Variants in CNTNAP2 observed in about 807,000 individuals in gnomAD.
CNTNAP2 encodes contactin-associated protein-like 2.
Under a neutral mutation model 155.2 loss-of-function variants are expected in CNTNAP2, and 98 were observed. The observed-to-expected ratio is 0.63, with a 90% CI of 0.54 to 0.75. The LOEUF (loss-of-function observed/expected upper bound fraction) is 0.75, where lower values mean the gene tolerates loss of function less well. CNTNAP2 is among the 30% of genes least tolerant of loss of function. The pLI is 0.00. For missense variants in CNTNAP2, 1,727 were observed against 1,688.1 expected (o/e 1.02, Z -0.40); for synonymous variants, 651 against 631.2 (o/e 1.03, Z -0.47).
intron 9 of CNTNAP2, among the ~76,000 whole-genome samples, chr7:147,379,749 G>A (rs1226705900): frequency 2.0e-5 from 3 of 151,996 alleles, no homozygotes; most frequent in South Asian, 2.1e-4. Flanking sequence ...TAGGTTTTAT[G>A]TGGTGGGGCT....
At chr7:148,373,545 TC>T (rs1798928473) in intron 21 of CNTNAP2, among the ~76,000 whole-genome samples, 1 of 152,144 alleles carries the variant, frequency 6.6e-6, no homozygotes, top group African/African-American at 2.4e-5. Flanking sequence ...AAATTTCAGC[TC>T]CATTATAATC....
At chr7:148,036,230 T>C (rs1056559184) in intron 15 of CNTNAP2, among the ~76,000 whole-genome samples, 7 of 152,108 alleles carry the variant, frequency 4.6e-5, no homozygotes, top group African/African-American at 9.7e-5. Flanking sequence ...TTGAGATAGA[T>C]TGAATATATT....
intron 1 of CNTNAP2, among the ~76,000 whole-genome samples, chr7:146,401,160 A>G (rs186952216): frequency 3.3e-5 from 5 of 152,322 alleles, no homozygotes; most frequent in Admixed American, 6.5e-5. Context: ...TTGAGTCTAT[A>G]TAACTTTCCT....
intron 9 of CNTNAP2, among the ~76,000 whole-genome samples, chr7:147,301,588 CTCTCTGTGTGTGTGTGTG>C (rs1192230768): frequency 1.8e-4 from 11 of 60,710 alleles, no homozygotes; most frequent in African/African-American, 1.3e-3. Flanking sequence ...CTCTCTCTCT[CTCTCTGTGTGTGTGTGTG>C]TGTGTGTGTG....
chr7:147,792,394 CCTAT>C (rs1797834113), intron 13 of CNTNAP2, among the ~76,000 whole-genome samples: 1 of 151,092 alleles, frequency 6.6e-6, no homozygotes. Context: ...TATGGATTTA[CCTAT>C]CTTAGACTTT....
At chr7:147,254,888 C>T (rs896228828) in intron 8 of CNTNAP2, among the ~76,000 whole-genome samples, 2 of 152,152 alleles carry the variant, frequency 1.3e-5, no homozygotes. Flanking sequence ...GAATTTCTTA[C>T]TCTAAAAATC....
intron 9 of CNTNAP2, among the ~76,000 whole-genome samples, chr7:147,337,176 C>T (rs1795678249): frequency 6.6e-6 from 1 of 152,016 alleles, no homozygotes; most frequent in Non-Finnish European, 1.5e-5. Flanking sequence ...TTATTACTCA[C>T]AGATAGGTAG....
chr7:147,369,027 A>G (rs1775520624), intron 9 of CNTNAP2, among the ~76,000 whole-genome samples: 1 of 152,188 alleles, frequency 6.6e-6, no homozygotes, highest in Admixed American at 6.5e-5. Flanking sequence ...GGTCACAAGT[A>G]GTAACTTGCT....
intron 3 of CNTNAP2, among the ~76,000 whole-genome samples, chr7:146,993,863 A>G (rs1481846889): frequency 6.6e-6 from 1 of 152,142 alleles, no homozygotes; most frequent in Non-Finnish European, 1.5e-5. Flanking sequence ...ATGAAACAAA[A>G]AAGGCTTGCC....
intron 14 of CNTNAP2, among the ~76,000 whole-genome samples, chr7:147,976,158 C>T (rs1222228428): frequency 6.6e-6 from 1 of 152,012 alleles, no homozygotes; most frequent in Non-Finnish European, 1.5e-5. Flanking sequence ...TTGAGCCATA[C>T]AAAAAGAAGT....
At chr7:147,899,493 C>T (rs893130277) in intron 13 of CNTNAP2, among the ~76,000 whole-genome samples, 1 of 152,112 alleles carries the variant, frequency 6.6e-6, no homozygotes, top group African/African-American at 2.4e-5. Context: ...CATACAACAC[C>T]ATATCATTAA....
At chr7:148,039,694 C>T (rs933940797) in intron 15 of CNTNAP2, among the ~76,000 whole-genome samples, 3 of 152,190 alleles carry the variant, frequency 2.0e-5, no homozygotes, top group Non-Finnish European at 4.4e-5. Flanking sequence ...GCTAAGGATG[C>T]TTGCAACCCA....
chr7:146,567,170 C>T (rs1448671314), intron 1 of CNTNAP2, among the ~76,000 whole-genome samples: 1 of 152,154 alleles, frequency 6.6e-6, no homozygotes, highest in Non-Finnish European at 1.5e-5. Flanking sequence ...ACACTAGACA[C>T]TAGAATGATA....
At chr7:146,400,280 A>T (rs1795695042) in intron 1 of CNTNAP2, among the ~76,000 whole-genome samples, 1 of 149,828 alleles carries the variant, frequency 6.7e-6, no homozygotes, top group Non-Finnish European at 1.5e-5. Context: ...AAAAAAAAAT[A>T]TGAAAAAAAG....
At chr7:146,411,645 A>G (rs1795866100) in intron 1 of CNTNAP2, among the ~76,000 whole-genome samples, 1 of 152,078 alleles carries the variant, frequency 6.6e-6, no homozygotes, top group African/African-American at 2.4e-5. Flanking sequence ...TTTTATTAAA[A>G]CGGTTATAAT....
At chr7:146,865,723 C>G (rs1447781195) in intron 3 of CNTNAP2, among the ~76,000 whole-genome samples, 2 of 151,924 alleles carry the variant, frequency 1.3e-5, no homozygotes, top group African/African-American at 4.8e-5. Context: ...GGATAATCAG[C>G]CATTTATTAG....
intron 1 of CNTNAP2, among the ~76,000 whole-genome samples, chr7:146,414,768 T>A (rs920426776): frequency 6.6e-6 from 1 of 152,150 alleles, no homozygotes; most frequent in Non-Finnish European, 1.5e-5. Flanking sequence ...CATGATGTTT[T>A]CCACAACAAA....
intron 8 of CNTNAP2, among the ~76,000 whole-genome samples, chr7:147,225,858 GGAAA>G (rs1224999276): frequency 4.1e-5 from 5 of 122,292 alleles, no homozygotes; most frequent in African/African-American, 1.6e-4. Flanking sequence ...AAGGAAGGAG[GGAAA>G]GAAGGAAGGA....
chr7:146,851,701 T>TGTGTGTGTG (rs1794882864), intron 3 of CNTNAP2, among the ~76,000 whole-genome samples: 1 of 139,486 alleles, frequency 7.2e-6, no homozygotes, highest in South Asian at 2.3e-4. Context: ...TGTGTGTGTG[T>TGTGTGTGTG]TTTGATGGTA....
Sources: allele counts gnomAD v4.1 joint callset (sites outside exome capture counted in the v4.1 genomes callset), GRCh38; gene constraint gnomAD v4.1.1; transcripts MANE v1.5; gene names NCBI Gene and HGNC (gene_info 2026-07-23, HGNC 2026-07-21).